Variants in PPP6R3 observed in about 807,000 individuals in gnomAD.
PPP6R3 encodes the protein protein phosphatase 6 regulatory subunit 3, also known as serine/threonine-protein phosphatase 6 regulatory subunit 3.
PPP6R3 carries 38 observed loss-of-function variants against 110.7 expected under a neutral mutation model. That is an observed-to-expected ratio of 0.34 (90% CI 0.26 to 0.45). The LOEUF is 0.45. Among genes scored for constraint, PPP6R3 ranks in the 20% least tolerant of loss-of-function variants. PPP6R3 has a pLI of 1.00. For missense variants in PPP6R3, 870 were observed against 1,062.4 expected, an observed-to-expected ratio of 0.82 and a Z score of 2.52; for synonymous variants, 369 against 373.5, an observed-to-expected ratio of 0.99 and a Z score of 0.14.
At chr11:68,463,565 G>C (rs897353213) in intron 1 of PPP6R3, among the ~76,000 whole-genome samples, 2 of 151,960 alleles carry the variant, frequency 1.3e-5, no homozygotes, top group Non-Finnish European at 2.9e-5. Context: ...AAATTTTACA[G>C]TATTTTACTA....
intron 9 of PPP6R3, among the ~76,000 whole-genome samples, chr11:68,566,552 G>A (rs2099471740): frequency 6.6e-6 from 1 of 151,888 alleles, no homozygotes; most frequent in African/African-American, 2.4e-5. Context: ...GTAGAGACAG[G>A]GTCTCACCAT....
At chr11:68,548,975 C>T (rs2099360089) in intron 5 of PPP6R3, among the ~76,000 whole-genome samples, 1 of 152,294 alleles carries the variant, frequency 6.6e-6, no homozygotes, top group Admixed American at 6.5e-5. Flanking sequence ...ACTGCAACCT[C>T]TGCCTCCCAG....
intron 1 of PPP6R3, among the ~76,000 whole-genome samples, chr11:68,498,201 T>G (rs1268111397): frequency 3.3e-5 from 5 of 152,200 alleles, no homozygotes; most frequent in African/African-American, 1.2e-4. Context: ...AGTTGCTATT[T>G]TACCAGCAGT....
rs531330466 is a variant in PPP6R3 at position 68,573,155 on chromosome 11, AT to A, written c.1344-941del. Among the ~76,000 whole-genome samples the A allele has an allele frequency of 4.4e-3, 131 of 29,562 alleles. 9 individuals carry two copies. In the East Asian group the frequency reaches 0.091, roughly 21 times the overall value. The allele number at this position is 29,562 out of a possible 152,430, so 19.4% of individuals were successfully genotyped here. A position where few individuals can be genotyped will look rare whatever the true frequency, so the allele number is the denominator to read the frequency against. ...ATATATATATATATATATATATATAATTTTTTTTTTTTTGAGACGGAGTCTT... is the reference window on the plus strand; with the variant it reads ...ATATATATATATATATATATATATAATTTTTTTTTTTTGAGACGGAGTCTT... On this transcript the variant is annotated intron_variant, in intron 12 of 23. Coordinates refer to ENST00000393800, the MANE Select transcript of PPP6R3 (RefSeq NM_001164161.2).
Position 68,574,124 on chromosome 11 carries a change from A to G in PPP6R3, c.1359A>G (p.Arg453=). The G allele has an allele frequency of 1.2e-6, 2 of 1,613,874 alleles. No individual in the cohort carries two copies. Among genetic ancestry groups the G allele is most frequent in the African/African-American group, 1.3e-5 (1 of 75,042 alleles). ...MNEKKQAEGG[R]RHGYMGHLTR... ...CTCTTGTCAGGGCTGAGGGAGGAAG[A>G]CGGCATGGTTACATGGGACACCTAA... Residue 453 remains arginine (R), a synonymous_variant, in exon 13 of 24, where the codon AGA becomes AGG. Coordinates refer to ENST00000393800, the MANE Select transcript of PPP6R3 (RefSeq NM_001164161.2).
At chr11:68,573,085 G>T (rs2099513937) in intron 12 of PPP6R3, among the ~76,000 whole-genome samples, 1 of 129,606 alleles carries the variant, frequency 7.7e-6, no homozygotes, top group Non-Finnish European at 1.6e-5. Context: ...AATAGGTAGA[G>T]AAATCAGATT....
chr11:68,590,669 T>C lies in PPP6R3; in HGVS notation c.1740T>C (p.Phe580=). 1 of 1,590,460 alleles carries C rather than the reference T, an allele frequency of 6.3e-7. No individual in the cohort carries two copies. Among genetic ancestry groups the C allele is most frequent in the Non-Finnish European group, 8.6e-7 (1 of 1,163,658 alleles). The change falls in exon 17 of 24, where the codon TTT becomes TTC. Residue 580 remains phenylalanine (F), a synonymous_variant. Coordinates refer to ENST00000393800, the MANE Select transcript of PPP6R3 (RefSeq NM_001164161.2). ...ADQDDIGNVS[F]DRVSDINFTL... is the part of the protein sequence containing the mutation. ...TTTTGTTTTTTTACAGTGTTTCTTT[T>C]GATCGAGTATCAGACATCAACTTTA...
intron 22 of PPP6R3, among the ~76,000 whole-genome samples, chr11:68,606,579 G>A (rs1046325382): frequency 2.0e-5 from 3 of 150,444 alleles, no homozygotes; most frequent in Admixed American, 6.6e-5. Context: ...ACCTCCCAAA[G>A]TGCTGGGATT....
intron 18 of PPP6R3, among the ~76,000 whole-genome samples, chr11:68,594,347 T>TGA (rs148881935): frequency 0.03 from 2,557 of 84,690 alleles, 62 homozygotes; most frequent in African/African-American, 0.092. Flanking sequence ...AGAGAGAGAG[T>TGA]GAGAGAGAGA....
chr11:68,583,422 C>T (rs2099568871), intron 15 of PPP6R3, among the ~76,000 whole-genome samples: 1 of 152,220 alleles, frequency 6.6e-6, no homozygotes, highest in African/African-American at 2.4e-5. Context: ...GCTTGTTACA[C>T]AGACCTTTAC....
intron 1 of PPP6R3, among the ~76,000 whole-genome samples, chr11:68,468,724 G>A (rs571803051): frequency 2.0e-4 from 31 of 152,298 alleles, no homozygotes; most frequent in African/African-American, 6.7e-4. Flanking sequence ...CTCCAAATTT[G>A]GAGTATGTTA....
intron 1 of PPP6R3, among the ~76,000 whole-genome samples, chr11:68,497,899 A>G (rs1035119343): frequency 2.0e-5 from 3 of 152,020 alleles, no homozygotes; most frequent in Non-Finnish European, 4.4e-5. Flanking sequence ...TTTAATGACT[A>G]TTTCACTGGA....
chr11:68,523,596 G>C (rs112280967), intron 2 of PPP6R3, among the ~76,000 whole-genome samples: 1 of 152,014 alleles, frequency 6.6e-6, no homozygotes, highest in Non-Finnish European at 1.5e-5. Context: ...CAGTACCTTG[G>C]GGGGATCTGT....
intron 1 of PPP6R3, among the ~76,000 whole-genome samples, chr11:68,487,143 T>C (rs144124911): frequency 0.013 from 1,940 of 152,364 alleles, 22 homozygotes; most frequent in Non-Finnish European, 0.019. Flanking sequence ...TTTTCTGGTT[T>C]CCTAAGATAG....
chr11:68,601,179 T>A (rs1436051360), intron 20 of PPP6R3, among the ~76,000 whole-genome samples: 3 of 152,234 alleles, frequency 2.0e-5, no homozygotes, highest in Non-Finnish European at 4.4e-5. Flanking sequence ...TCTACCCCGC[T>A]TTTCAGTACA....
rs1171948050 is a variant in PPP6R3 at position 68,603,399 on chromosome 11, C to T, written c.2357C>T (p.Thr786Ile). The T allele has an allele frequency of 6.2e-7, 1 of 1,613,860 alleles. No individual in the cohort carries two copies. Among genetic ancestry groups the T allele is most frequent in the Non-Finnish European group, 8.5e-7 (1 of 1,180,020 alleles). The change falls in exon 22 of 24, where the codon ACA (threonine) becomes ATA (isoleucine). Residue 786 changes from threonine (T) to isoleucine (I), a missense_variant. Transcript: ENST00000393800. ...GACGGAGAGGAGGATGCAGAAAGTACAGACAAGGTAACTGAGACAGTGATG... is the reference window on the plus strand; with the variant it reads ...GACGGAGAGGAGGATGCAGAAAGTATAGACAAGGTAACTGAGACAGTGATG... ...SSDGEEDAES[T>I]DKVTETVMNG...
chr11:68,488,000 C>T (rs2098959184), intron 1 of PPP6R3, among the ~76,000 whole-genome samples: 1 of 152,154 alleles, frequency 6.6e-6, no homozygotes, highest in Non-Finnish European at 1.5e-5. Context: ...TCTATTCTCC[C>T]TTGCAGTTCT....
Position 68,504,693 on chromosome 11 carries a change from G to T in PPP6R3, c.-157-14808G>T, listed in dbSNP as rs140141186. On this transcript the variant is annotated intron_variant, in intron 1 of 23. Transcript: ENST00000393800. ...AAGCAGCAATGGGGATTCTACTATAGCTGTCTAGTGTAGGAAGATTTTCTT... is the reference window on the plus strand; with the variant it reads ...AAGCAGCAATGGGGATTCTACTATATCTGTCTAGTGTAGGAAGATTTTCTT... Among the ~76,000 whole-genome samples, 521 of 152,308 alleles carry T rather than the reference G, an allele frequency of 3.4e-3. 6 individuals are homozygous for T. Among genetic ancestry groups the T allele is most frequent in the African/African-American group, 0.012 (498 of 41,568 alleles).
chr11:68,589,755 C>T (rs948756006), intron 16 of PPP6R3, among the ~76,000 whole-genome samples: 1 of 152,174 alleles, frequency 6.6e-6, no homozygotes, highest in Non-Finnish European at 1.5e-5. Context: ...TTGCAGTTTG[C>T]AGTATGTGAG....
Sources: gnomAD v4.1 joint callset for allele counts (sites outside exome capture counted in the v4.1 genomes callset) on GRCh38, gnomAD v4.1.1 for gene constraint, MANE v1.5 for transcripts, NCBI Gene and HGNC (gene_info 2026-07-23, HGNC 2026-07-21) for gene names.